PSMA1: variants seen among roughly 807,000 people sequenced by gnomAD.
PSMA1 encodes proteasome 20S subunit alpha 1, also known as proteasome subunit alpha type-1.
Under a neutral mutation model 38.4 loss-of-function variants are expected in PSMA1, and 3 were observed. The observed-to-expected ratio is 0.08, with a 90% CI of 0.04 to 0.20. The LOEUF (loss-of-function observed/expected upper bound fraction) is 0.20. Ranked by LOEUF, PSMA1 falls within the 10% of genes least tolerant of loss-of-function variation. The pLI is 1.00. For missense variants in PSMA1, 227 were observed against 325.3 expected, an observed-to-expected ratio of 0.70 and a Z score of 2.32; for synonymous variants, 101 against 107.1, an observed-to-expected ratio of 0.94 and a Z score of 0.35.
At chr11:14,519,346 G>A in intron 1 of PSMA1, 1 of 421,246 alleles carries the variant, frequency 2.4e-6, no homozygotes, top group South Asian at 1.9e-5. Context: ...GCCTATTTTT[G>A]CTTATGCTGC....
In PSMA1 at chr11:14,582,928, T is replaced by C. The variant is rs751782171; in HGVS notation, c.21+28038A>G. Among the ~76,000 whole-genome samples the C allele has an allele frequency of 4.6e-5, 7 of 152,346 alleles. 1 individual carries two copies. Among genetic ancestry groups the C allele is most frequent in the Middle Eastern group, 3.4e-3 (1 of 294 alleles). ...TCAGTCCACCACATCTGGAGAACCC[T>C]GGGTCTTGGCAGTACAAATGATCAT... On this transcript the variant is annotated intron_variant, in intron 2 of 10. Transcript: ENST00000418988.
chr11:14,528,073 A>G (rs1316092991), intron 2 of PSMA1, among the ~76,000 whole-genome samples: 2 of 151,768 alleles, frequency 1.3e-5, no homozygotes, highest in East Asian at 3.9e-4. Context: ...TCTTTCCTCC[A>G]AAATCGCTGA....
intron 2 of PSMA1, among the ~76,000 whole-genome samples, chr11:14,543,277 C>G (rs1296516214): frequency 2.0e-5 from 3 of 152,174 alleles, no homozygotes; most frequent in Non-Finnish European, 4.4e-5. Flanking sequence ...GGGAGAAGAT[C>G]CTTTGAGCCC....
intron 2 of PSMA1, among the ~76,000 whole-genome samples, chr11:14,584,798 T>G (rs900785993): frequency 3.5e-4 from 53 of 152,338 alleles, no homozygotes; most frequent in Non-Finnish European, 1.8e-4. Context: ...GTTCTCTTCC[T>G]CATATGCCAT....
At chr11:14,601,575 A>T (rs149357430) in intron 2 of PSMA1, among the ~76,000 whole-genome samples, 2,002 of 152,278 alleles carry the variant, frequency 0.013, 19 homozygotes, top group Middle Eastern at 0.027. Context: ...TGGAGGCTTA[A>T]TGTAAATAGA....
At chr11:14,535,744 C>T (rs2134161757) in intron 2 of PSMA1, among the ~76,000 whole-genome samples, 1 of 152,200 alleles carries the variant, frequency 6.6e-6, no homozygotes, top group East Asian at 1.9e-4. Context: ...CCCACCCGGC[C>T]ATTCATGGGA....
At chr11:14,621,071 A>G (rs1305944850) in intron 1 of PSMA1, among the ~76,000 whole-genome samples, 1 of 152,106 alleles carries the variant, frequency 6.6e-6, no homozygotes, top group Non-Finnish European at 1.5e-5. Context: ...ACATTGACCT[A>G]TGTCAGAGAT....
intron 8 of PSMA1, among the ~76,000 whole-genome samples, chr11:14,509,382 A>G (rs1347166869): frequency 6.6e-6 from 1 of 152,076 alleles, no homozygotes; most frequent in East Asian, 1.9e-4. Flanking sequence ...ACTACTCTTC[A>G]TCTTTAACTC....
chr11:14,509,045 T>C (rs532150031), intron 8 of PSMA1, among the ~76,000 whole-genome samples: 2 of 152,328 alleles, frequency 1.3e-5, no homozygotes, highest in African/African-American at 4.8e-5. Context: ...GCCATTTCTA[T>C]ATAAAGACTT....
intron 1 of PSMA1, among the ~76,000 whole-genome samples, chr11:14,636,937 G>A (rs1475962627): frequency 2.0e-5 from 3 of 152,152 alleles, no homozygotes; most frequent in African/African-American, 7.2e-5. Context: ...TTTCTTAAAC[G>A]ATTTTCCTAG....
chr11:14,513,400 A>T, intron 7 of PSMA1, 170 bp downstream of exon 7: 1 of 694,930 alleles, frequency 1.4e-6, no homozygotes, highest in South Asian at 5.8e-5. Context: ...ACCAGAAGTT[A>T]AGATTAGTAT....
upstream of PSMA1, chr11:14,520,484 G>A (rs112207420): frequency 7.1e-4 from 1,049 of 1,467,426 alleles, 10 homozygotes; most frequent in African/African-American, 0.013. Context: ...AAAACTTTCC[G>A]ACCGCTCGGC....
chr11:14,628,986 T>G (rs1471152686), intron 1 of PSMA1, among the ~76,000 whole-genome samples: 1 of 151,562 alleles, frequency 6.6e-6, no homozygotes, highest in Non-Finnish European at 1.5e-5. Flanking sequence ...TGTCTGTTCA[T>G]GTCCTTCGCC....
chr11:14,595,403 C>T (rs964274434), intron 2 of PSMA1, among the ~76,000 whole-genome samples: 3 of 152,222 alleles, frequency 2.0e-5, no homozygotes, highest in Admixed American at 1.3e-4. Flanking sequence ...TCCACATCCT[C>T]TCCAGCATCT....
At chr11:14,542,186 T>C (rs1268638108) in intron 2 of PSMA1, among the ~76,000 whole-genome samples, 1 of 152,264 alleles carries the variant, frequency 6.6e-6, no homozygotes, top group Non-Finnish European at 1.5e-5. Flanking sequence ...TATAAAATTG[T>C]GGAAGTACCT....
chr11:14,569,401 C>T (rs866422373), intron 2 of PSMA1, among the ~76,000 whole-genome samples: 1 of 152,154 alleles, frequency 6.6e-6, no homozygotes, highest in Non-Finnish European at 1.5e-5. Context: ...TGAGGTGAAG[C>T]AGGGTGGGGC....
intron 2 of PSMA1, among the ~76,000 whole-genome samples, chr11:14,537,868 C>T (rs897560886): frequency 6.6e-6 from 1 of 151,902 alleles, no homozygotes; most frequent in African/African-American, 2.4e-5. Context: ...ACTGCCACAC[C>T]TGGCTAACTT....
chr11:14,569,238 G>C (rs577818631), intron 2 of PSMA1, among the ~76,000 whole-genome samples: 1 of 152,054 alleles, frequency 6.6e-6, no homozygotes, highest in African/African-American at 2.4e-5. Context: ...TTCTTCTGCT[G>C]GGGGGAGGTT....
In PSMA1 at chr11:14,527,379, C is replaced by T. The variant is rs1017743085; in HGVS notation, c.22-8338G>A. The stretch of plus-strand genomic sequence containing the variant: ...GCCAAGGAAAATACCTCCTTCCAGC[C>T]TCACAGGCCCATTCTATTCTATCAT... On this transcript the variant is annotated intron_variant, in intron 2 of 10. Coordinates refer to the PSMA1 transcript ENST00000418988. Among the ~76,000 whole-genome samples the T allele has an allele frequency of 6.6e-5, 10 of 152,314 alleles. 1 individual carries two copies. Among genetic ancestry groups the T allele is most frequent in the South Asian group, 6.2e-4 (3 of 4,822 alleles).
Sources: gnomAD v4.1 joint callset for allele counts (sites outside exome capture counted in the v4.1 genomes callset) on GRCh38, gnomAD v4.1.1 for gene constraint, MANE v1.5 for transcripts, NCBI Gene and HGNC (gene_info 2026-07-23, HGNC 2026-07-21) for gene names.